Variants in SLC25A26 observed in about 807,000 individuals in gnomAD.
SLC25A26 encodes solute carrier family 25 member 26.
Under a neutral mutation model 37.8 loss-of-function variants are expected in SLC25A26, and 36 were observed. That is an observed-to-expected ratio of 0.95 (90% confidence interval 0.73 to 1.26). SLC25A26 has a LOEUF of 1.26. Ranked by LOEUF, SLC25A26 falls within the 50% of genes most tolerant of loss-of-function variation. The pLI, the probability that SLC25A26 is intolerant of heterozygous loss-of-function variation, is 0.00. For synonymous variants in SLC25A26, 129 were observed against 122.5 expected (o/e 1.05, Z -0.35); for missense variants, 390 against 331.1 (o/e 1.18, Z -1.38).
At chr3:66,187,504 A>T (rs929566851) in intron 1 of SLC25A26, among the ~76,000 whole-genome samples, 1 of 151,660 alleles carries the variant, frequency 6.6e-6, no homozygotes, top group African/African-American at 2.4e-5. Context: ...TCTGATAGTG[A>T]CTCACACAAA....
chr3:66,356,200 T>A, intron 6 of SLC25A26: 1 of 408,000 alleles, frequency 2.5e-6, no homozygotes, highest in South Asian at 1.8e-5. Flanking sequence ...CTCTTCAGGC[T>A]ATACTTTAAA....
At chr3:66,224,011 G>T (rs888797956) in intron 1 of SLC25A26, among the ~76,000 whole-genome samples, 1 of 152,124 alleles carries the variant, frequency 6.6e-6, no homozygotes, top group Non-Finnish European at 1.5e-5. Flanking sequence ...CCCATTTCTT[G>T]GACTAGTCTG....
intron 2 of SLC25A26, among the ~76,000 whole-genome samples, chr3:66,238,653 C>T (rs1687096575): frequency 6.6e-6 from 1 of 152,200 alleles, no homozygotes. Flanking sequence ...GTGTGAGCCA[C>T]TGCGCCTGGC....
chr3:66,133,880 A>C (rs2069907245), exon 1 of SLC25A26: 1 of 152,184 alleles, frequency 6.6e-6, no homozygotes, highest in Non-Finnish European at 1.5e-5. Context: ...CTGTTTCCAG[A>C]TTGCTTCTAG....
intron 5 of SLC25A26, among the ~76,000 whole-genome samples, chr3:66,344,222 C>T (rs1293176809): frequency 1.3e-5 from 2 of 151,974 alleles, no homozygotes; most frequent in Non-Finnish European, 2.9e-5. Context: ...AATAACAATA[C>T]CAGGCCAAGG....
chr3:66,325,310 T>C (rs150472656), intron 5 of SLC25A26, among the ~76,000 whole-genome samples: 8 of 152,294 alleles, frequency 5.3e-5, no homozygotes, highest in African/African-American at 1.9e-4. Context: ...GTTTTGTAGA[T>C]TGATTGATGG....
chr3:66,207,413 T>C (rs938230226), intron 1 of SLC25A26, among the ~76,000 whole-genome samples: 1 of 152,220 alleles, frequency 6.6e-6, no homozygotes, highest in Non-Finnish European at 1.5e-5. Context: ...TTGATCATTG[T>C]ATTATATATT....
intron 1 of SLC25A26, among the ~76,000 whole-genome samples, chr3:66,169,327 C>T (rs1185202800): frequency 6.6e-6 from 1 of 152,210 alleles, no homozygotes; most frequent in Non-Finnish European, 1.5e-5. Context: ...TAATTTACTA[C>T]ACTGGTCCTG....
intron 5 of SLC25A26, among the ~76,000 whole-genome samples, chr3:66,314,960 G>T (rs6781987): frequency 6.6e-6 from 1 of 151,250 alleles, no homozygotes; most frequent in Non-Finnish European, 1.5e-5. Flanking sequence ...CTGTGGGGTC[G>T]CCAGTGATAT....
intron 1 of SLC25A26, among the ~76,000 whole-genome samples, chr3:66,191,820 G>C (rs920491714): frequency 2.6e-5 from 4 of 151,792 alleles, no homozygotes; most frequent in Non-Finnish European, 5.9e-5. Flanking sequence ...GAGCCCAGGA[G>C]GTGGAGGTTG....
chr3:66,369,025 CAAAAAAAAAAAAAAAAAACAAAAACAAA>C (rs1195868182), intron 7 of SLC25A26, among the ~76,000 whole-genome samples: 3 of 32,970 alleles, frequency 9.1e-5, no homozygotes, highest in East Asian at 5.4e-4. Context: ...CCTGTCTTTT[CAAAAAAAAAAAAAAAAAACAAAAACAAA>C]AAAAAAAAAC....
chr3:66,190,233 T>C (rs940251548), intron 1 of SLC25A26, among the ~76,000 whole-genome samples: 2 of 151,506 alleles, frequency 1.3e-5, no homozygotes, highest in South Asian at 4.2e-4. Context: ...GAGGATAGAT[T>C]GAGCTTGGGA....
At chr3:66,152,930 A>T (rs1052458002) in intron 1 of SLC25A26, among the ~76,000 whole-genome samples, 25 of 152,210 alleles carry the variant, frequency 1.6e-4, no homozygotes, top group African/African-American at 5.5e-4. Flanking sequence ...TACCTGGGAA[A>T]TTTTTACAAA....
intron 5 of SLC25A26, among the ~76,000 whole-genome samples, chr3:66,281,644 T>G (rs2074341620): frequency 6.6e-6 from 1 of 152,078 alleles, no homozygotes; most frequent in East Asian, 1.9e-4. Flanking sequence ...TTCAAGGGAT[T>G]TTACTATATT....
intron 1 of SLC25A26, among the ~76,000 whole-genome samples, chr3:66,160,393 T>TTCAGAAGCTA (rs1189614625): frequency 5.9e-5 from 9 of 152,196 alleles, no homozygotes; most frequent in Non-Finnish European, 1.3e-4. Context: ...AAAATACTGC[T>TTCAGAAGCTA]TCAGAAGCTA....
intron 5 of SLC25A26, among the ~76,000 whole-genome samples, chr3:66,296,697 A>G (rs1453600059): frequency 6.6e-6 from 1 of 152,240 alleles, no homozygotes; most frequent in Non-Finnish European, 1.5e-5. Flanking sequence ...AATCACTAGA[A>G]TGAAAATAAA....
intron 5 of SLC25A26, among the ~76,000 whole-genome samples, chr3:66,280,965 A>G (rs555949966): frequency 3.9e-5 from 6 of 152,282 alleles, no homozygotes; most frequent in African/African-American, 7.2e-5. Context: ...TATGTGGTCA[A>G]TTTCCCTGAT....
chr3:66,322,378 A>G (rs1463715836), intron 5 of SLC25A26, among the ~76,000 whole-genome samples: 1 of 152,236 alleles, frequency 6.6e-6, no homozygotes. Context: ...CATATTTTCT[A>G]GTTTATGGGA....
At chr3:66,142,788 G>A (rs113065501) in intron 1 of SLC25A26, among the ~76,000 whole-genome samples, 1 of 151,876 alleles carries the variant, frequency 6.6e-6, no homozygotes, top group Admixed American at 6.6e-5. Context: ...TTTTGAGACA[G>A]GGTCTGCCTC....
Sources: allele counts gnomAD v4.1 joint callset (sites outside exome capture counted in the v4.1 genomes callset), GRCh38; gene constraint gnomAD v4.1.1; transcripts MANE v1.5; gene names NCBI Gene and HGNC (gene_info 2026-07-23, HGNC 2026-07-21).